Variants in GRIK1 observed in about 807,000 individuals in gnomAD.
GRIK1 encodes the protein glutamate receptor ionotropic, kainate 1.
Under a neutral mutation model 105.7 loss-of-function variants are expected in GRIK1, and 69 were observed. The observed-to-expected ratio is 0.65, with a 90% CI of 0.54 to 0.80. The LOEUF is 0.80. Among genes scored for constraint, GRIK1 ranks in the 30% least tolerant of loss-of-function variants. The probability of loss-of-function intolerance (pLI) is 0.00; values close to 1 mark genes in which losing one functional copy is unlikely to be tolerated. For missense variants in GRIK1, 1,109 were observed against 1,167.3 expected (o/e 0.95, Z 0.73); for synonymous variants, 438 against 431.3 (o/e 1.02, Z -0.19).
At chr21:29,908,103 A>G (rs2070705473) in intron 1 of GRIK1, among the ~76,000 whole-genome samples, 1 of 152,124 alleles carries the variant, frequency 6.6e-6, no homozygotes, top group South Asian at 2.1e-4. Context: ...CATTGTTCTA[A>G]GGGTTTAAAA....
chr21:29,551,268 T>C (rs1568799507), intron 16 of GRIK1, among the ~76,000 whole-genome samples: 1 of 152,204 alleles, frequency 6.6e-6, no homozygotes, highest in Non-Finnish European at 1.5e-5. Context: ...AAAATTCTAT[T>C]TGAGAAACAT....
chr21:29,787,495 C>T (rs2066289025), intron 1 of GRIK1, among the ~76,000 whole-genome samples: 1 of 152,188 alleles, frequency 6.6e-6, no homozygotes, highest in African/African-American at 2.4e-5. Context: ...TTCTCTGTAA[C>T]TTTTCTCTTG....
intron 1 of GRIK1, among the ~76,000 whole-genome samples, chr21:29,788,133 C>T (rs1399581174): frequency 1.3e-5 from 2 of 152,128 alleles, no homozygotes; most frequent in African/African-American, 2.4e-5. Context: ...CTTTCTAGAG[C>T]TCACATTTCA....
At chr21:29,931,296 T>C (rs986430407) in intron 1 of GRIK1, among the ~76,000 whole-genome samples, 2 of 152,190 alleles carry the variant, frequency 1.3e-5, no homozygotes, top group Admixed American at 6.5e-5. Flanking sequence ...TTTCAGATTT[T>C]CCTTGTTTTT....
chr21:29,700,745 T>C (rs1015914098), intron 1 of GRIK1, among the ~76,000 whole-genome samples: 1 of 152,158 alleles, frequency 6.6e-6, no homozygotes, highest in African/African-American at 2.4e-5. Context: ...GGGAGGCAAT[T>C]CCACTGCTGC....
intron 1 of GRIK1, chr21:29,764,034 A>C (rs1232459793): frequency 6.6e-6 from 1 of 152,226 alleles, no homozygotes; most frequent in African/African-American, 2.4e-5. Flanking sequence ...TGCTTTCTTA[A>C]GCAGATGTGT....
chr21:29,581,618 A>G (rs1223434833), intron 12 of GRIK1, 75 bp from the exon 13 acceptor site: 1 of 795,954 alleles, frequency 1.3e-6, no homozygotes, highest in Non-Finnish European at 2.2e-6. Flanking sequence ...AAACCTGCTG[A>G]GCAATGCAGA....
At chr21:29,640,485 C>A (rs759923075) in intron 7 of GRIK1, among the ~76,000 whole-genome samples, 1 of 152,106 alleles carries the variant, frequency 6.6e-6, no homozygotes, top group African/African-American at 2.4e-5. Context: ...TTCATTCCCC[C>A]CTCCCTTCCT....
Position 29,561,755 on chromosome 21 carries a change from C to A in GRIK1, c.2225G>T (p.Arg742Ile). The A allele has an allele frequency of 6.2e-7, 1 of 1,613,702 alleles. No individual in the cohort carries two copies. The highest frequency in any genetic ancestry group is 1.1e-5 in the South Asian group (1 of 91,076). ...CAGCGCGTAGTCTGTGGTGAGCACT[C>A]TCTGGATCCCCTCATCACTGTTTCT... ...LVRNSDEGIQRVLTTDYALLM... is the reference protein window; with the variant it reads ...LVRNSDEGIQIVLTTDYALLM... The change falls in exon 15 of 18, where the codon AGA becomes ATA. Residue 742 changes from arginine to isoleucine, a missense_variant. Arg to Ile is a moderately conservative substitution (Grantham distance 97). This residue lies in a region of GRIK1 where 264 missense variants were observed against 306.9 expected (regional missense o/e 0.86). Transcript: ENST00000327783.
At chr21:29,710,182 A>G (rs143005123) in intron 1 of GRIK1, among the ~76,000 whole-genome samples, 1 of 152,028 alleles carries the variant, frequency 6.6e-6, no homozygotes, top group African/African-American at 2.4e-5. Flanking sequence ...TATGAATACT[A>G]TTCTTTATAT....
chr21:29,690,221 C>T, intron 2 of GRIK1, among the ~76,000 whole-genome samples: 1 of 152,076 alleles, frequency 6.6e-6, no homozygotes, highest in Admixed American at 6.5e-5. Context: ...AGCAATATAC[C>T]AACAAGGCCA....
At chr21:29,706,239 G>A (rs1480552551) in intron 1 of GRIK1, among the ~76,000 whole-genome samples, 1 of 152,018 alleles carries the variant, frequency 6.6e-6, no homozygotes. Context: ...TTCTGTTTCA[G>A]CATTTGAAAA....
At chr21:29,751,952 G>A (rs2065214870) in intron 1 of GRIK1, among the ~76,000 whole-genome samples, 1 of 152,196 alleles carries the variant, frequency 6.6e-6, no homozygotes, top group Non-Finnish European at 1.5e-5. Flanking sequence ...ATGGCAGTGG[G>A]TGTCACCATT....
chr21:29,921,995 T>C (rs2071209193), intron 1 of GRIK1, among the ~76,000 whole-genome samples: 1 of 152,148 alleles, frequency 6.6e-6, no homozygotes, highest in African/African-American at 2.4e-5. Context: ...GATACTATTG[T>C]TTTGTAAATA....
At chr21:29,929,206 T>G (rs970383609) in intron 1 of GRIK1, among the ~76,000 whole-genome samples, 3 of 152,188 alleles carry the variant, frequency 2.0e-5, no homozygotes, top group African/African-American at 7.2e-5. Context: ...TAGGAGGTTA[T>G]GTGACATGGC....
intron 12 of GRIK1, among the ~76,000 whole-genome samples, chr21:29,586,629 A>G (rs2091135859): frequency 6.6e-6 from 1 of 152,232 alleles, no homozygotes; most frequent in Admixed American, 6.5e-5. Flanking sequence ...AGATAAAATA[A>G]CTGTTTCAAA....
intron 1 of GRIK1, among the ~76,000 whole-genome samples, chr21:29,898,631 C>A (rs1343457679): frequency 6.6e-6 from 1 of 152,066 alleles, no homozygotes. Flanking sequence ...GGTTATTAGA[C>A]CATATGCAAT....
At chr21:29,598,781 T>C in intron 8 of GRIK1, 49 bp downstream of exon 8, 1 of 841,570 alleles carries the variant, frequency 1.2e-6, no homozygotes, top group Non-Finnish European at 1.9e-6. Context: ...TAAAAATGCC[T>C]GAACAATGTT....
At chr21:29,792,534 C>A (rs1040239223) in intron 1 of GRIK1, among the ~76,000 whole-genome samples, 13 of 152,164 alleles carry the variant, frequency 8.5e-5, no homozygotes, top group Admixed American at 7.2e-4. Context: ...CAAGTTTCAT[C>A]CCAAGTACGC....
Sources: allele counts gnomAD v4.1 joint callset (sites outside exome capture counted in the v4.1 genomes callset), GRCh38; gene constraint gnomAD v4.1.1; regional missense constraint gnomAD v4.1.1; transcripts MANE v1.5; gene names NCBI Gene and HGNC (gene_info 2026-07-23, HGNC 2026-07-21).